Variants in LGALS9C observed in about 807,000 individuals in gnomAD.
LGALS9C encodes galectin-9C.
LGALS9C carries 7 observed loss-of-function variants against 41.3 expected under a neutral mutation model. The ratio of observed to expected loss-of-function variants is 0.17; its 90% confidence interval spans 0.10 to 0.32. The LOEUF (loss-of-function observed/expected upper bound fraction) is 0.32. Ranked by LOEUF, LGALS9C falls within the 10% of genes least tolerant of loss-of-function variation. The pLI, the probability that LGALS9C is intolerant of heterozygous loss-of-function variation, is 1.00. For synonymous variants in LGALS9C, 44 were observed against 171.0 expected (o/e 0.26, Z 5.80); for missense variants, 102 against 455.2 (o/e 0.22, Z 7.06).
At chr17:18,477,271 C>T (rs977661645) in intron 1 of LGALS9C, among the ~76,000 whole-genome samples, 3 of 125,346 alleles carry the variant, frequency 2.4e-5, no homozygotes, top group African/African-American at 5.1e-5. Context: ...GTTGGCCTCC[C>T]TGGGTCCAGC....
chr17:18,493,075 G>A (rs1989881640), intron 10 of LGALS9C, among the ~76,000 whole-genome samples: 1 of 124,394 alleles, frequency 8.0e-6, no homozygotes, highest in Non-Finnish European at 1.9e-5. Flanking sequence ...GATGAGGAAA[G>A]AAACTCACAA....
rs537230216 is a variant in LGALS9C, at chr17:18,491,264, T to A, written c.577-9T>A. The stretch of plus-strand genomic sequence containing the variant: ...AGAGCCTGGGTGAGACCTGGTTTCT[T>A]TCTTCCAGACCCAGACAGTCATCCA... On this transcript the variant is annotated splice_polypyrimidine_tract_variant and intron_variant, in intron 6 of 10. Coordinates refer to ENST00000328114, the MANE Select transcript of LGALS9C (RefSeq NM_001040078.3). 427 of 1,483,828 alleles carry A rather than the reference T, an allele frequency of 2.9e-4. 1 individual carries two copies. In the East Asian group the frequency reaches 9.5e-3, roughly 33 times the overall value. 91.9% of individuals were successfully genotyped at this position (1,483,828 alleles called of 1,614,324 possible).
chr17:18,478,080 G>T (rs1402658281), intron 1 of LGALS9C, among the ~76,000 whole-genome samples: 2 of 127,140 alleles, frequency 1.6e-5, no homozygotes, highest in African/African-American at 5.1e-5. Context: ...TGTCACCAAT[G>T]ACCCCTCAGC....
At chr17:18,477,476 G>A (rs1416879101) in intron 1 of LGALS9C, among the ~76,000 whole-genome samples, 1 of 123,264 alleles carries the variant, frequency 8.1e-6, no homozygotes, top group Non-Finnish European at 2.0e-5. Flanking sequence ...AGCAGGGAAG[G>A]CCTCCCGAGG....
intron 4 of LGALS9C, 77 bp from the exon 5 acceptor site, chr17:18,488,864 C>G: frequency 7.5e-7 from 1 of 1,336,238 alleles, no homozygotes; most frequent in Non-Finnish European, 1.0e-6. Context: ...TGCCTCCTGC[C>G]CCTGCATCTG....
At chr17:18,481,908 G>A (rs1483305749) in intron 1 of LGALS9C, among the ~76,000 whole-genome samples, 1 of 139,568 alleles carries the variant, frequency 7.2e-6, no homozygotes, top group African/African-American at 2.5e-5. Flanking sequence ...TTTTCTGTTT[G>A]GCCTGCACAG....
chr17:18,487,033 A>G (rs1158785411), intron 3 of LGALS9C: 4 of 163,812 alleles, frequency 2.4e-5, no homozygotes, highest in Non-Finnish European at 5.3e-5. Flanking sequence ...GGAACTTAAA[A>G]TAAAAGTTGA....
At position 18,488,804 on chromosome 17, in the gene LGALS9C, C is replaced by G. The variant is rs961373725; in HGVS notation, c.445-137C>G. ...GAAGCCTGGCCCTTTCCGCTCCCGC[C>G]TCCGTGTGGCCCTAACCCCCTTGCT... is the stretch of plus-strand genomic sequence containing the variant. On this transcript the variant is annotated intron_variant, in intron 4 of 10. Transcript: ENST00000328114. 3 of 1,272,220 alleles carry G rather than the reference C, an allele frequency of 2.4e-6. No individual in the cohort carries two copies. In the African/African-American group the frequency reaches 4.4e-5, roughly 19 times the overall value. The allele number at this position is 1,272,220 out of a possible 1,614,324, so 78.8% of individuals were successfully genotyped here.
chr17:18,491,369 C>T lies in LGALS9C; in HGVS notation c.627+46C>T. ...CAGTTCACAGCTGCACAGTGCCCTC[C>T]TTCCCCAAGAACTAAACTCCCTAGA... On this transcript the variant is annotated intron_variant, in intron 7 of 10. Coordinates refer to ENST00000328114, the MANE Select transcript of LGALS9C (RefSeq NM_001040078.3). The T allele has an allele frequency of 2.8e-6, 4 of 1,442,320 alleles. 1 individual carries two copies. The highest frequency in any genetic ancestry group is 3.8e-6 in the Non-Finnish European group (4 of 1,050,942). 89.3% of individuals were successfully genotyped at this position (1,442,320 alleles called of 1,614,324 possible).
chr17:18,493,218 A>T (rs1725647), intron 10 of LGALS9C, among the ~76,000 whole-genome samples: 1 of 105,256 alleles, frequency 9.5e-6, no homozygotes, highest in African/African-American at 3.5e-5. Flanking sequence ...AGCACTCCAC[A>T]TGCTGGGAGC....
In LGALS9C at chr17:18,489,016, C is replaced by G; in HGVS notation, c.520C>G (p.Pro174Ala). ...CCAGCCTGTCTGTTTCCCACCCAGG[C>G]CCAGGGGGCGCAGACAAAAAGTGAG... ...FSQPVCFPPR[P>A]RGRRQKPPSV... is the part of the protein sequence containing the mutation. The change falls in exon 5 of 11, where the codon CCC (proline) becomes GCC (alanine). Residue 174 changes from proline to alanine, a missense_variant. Pro to Ala is a conservative substitution (Grantham distance 27). Coordinates refer to ENST00000328114, the MANE Select transcript of LGALS9C (RefSeq NM_001040078.3). 6.7e-7 allele frequency: 1 copy of G among 1,496,286 alleles called. No homozygotes were observed. The allele number at this position is 1,496,286 out of a possible 1,614,324, so 92.7% of individuals were successfully genotyped here.
Position 18,493,337 on chromosome 17 carries a change from G to A in LGALS9C, c.924+478G>A, listed in dbSNP as rs1189150613. On this transcript the variant is annotated intron_variant, in intron 10 of 10. Coordinates refer to ENST00000328114, the MANE Select transcript of LGALS9C (RefSeq NM_001040078.3). ...GAACAGATTGTTGCAGATAACAACA[G>A]TGCCACGCAGAAAGCAAAACAGAGC... Among the ~76,000 whole-genome samples, 6 of 118,362 alleles carry A rather than the reference G, an allele frequency of 5.1e-5. 2 individuals carry two copies. Among genetic ancestry groups the A allele is most frequent in the Non-Finnish European group, 1.2e-4 (6 of 50,356 alleles). 77.7% of individuals were successfully genotyped at this position (118,362 alleles called of 152,430 possible). A position where few individuals can be genotyped will look rare whatever the true frequency, so the allele number is the denominator to read the frequency against.
At chr17:18,493,933 A>T (rs1989909619) in intron 10 of LGALS9C, among the ~76,000 whole-genome samples, 1 of 132,620 alleles carries the variant, frequency 7.5e-6, no homozygotes, top group Non-Finnish European at 1.8e-5. Context: ...CTGATGCTGC[A>T]GGAGCCCAGG....
At chr17:18,487,037 A>G in intron 3 of LGALS9C, 1 of 163,594 alleles carries the variant, frequency 6.1e-6, no homozygotes, top group Non-Finnish European at 1.3e-5. Flanking sequence ...CTTAAAATAA[A>G]AGTTGAAGGG....
In LGALS9C at chr17:18,488,917, G is replaced by T. The variant is rs367799914; in HGVS notation, c.445-24G>T. ...GGCTCTATTAATGCTTCTCCTCACC[G>T]GCCGGTGCCTTTTGTTTTAACAGAA... On this transcript the variant is annotated intron_variant, in intron 4 of 10. Transcript: ENST00000328114. 4.0e-6 allele frequency: 6 copies of T among 1,501,330 alleles called. No homozygotes were observed. The East Asian group carries it at 1.1e-4, about 28-fold the overall frequency. The allele number at this position is 1,501,330 out of a possible 1,614,324, so 93.0% of individuals were successfully genotyped here.
At chr17:18,483,226 G>A (rs1426646494) in intron 1 of LGALS9C, among the ~76,000 whole-genome samples, 3 of 135,638 alleles carry the variant, frequency 2.2e-5, no homozygotes, top group Non-Finnish European at 5.2e-5. Context: ...GGGATGGGTG[G>A]GGAAACTACG....
At chr17:18,478,517 T>G (rs9907036) in intron 1 of LGALS9C, among the ~76,000 whole-genome samples, 1,862 of 126,078 alleles carry the variant, frequency 0.015, 73 homozygotes, top group African/African-American at 0.046. Flanking sequence ...ATGCCGACAG[T>G]GGGGGAAGGT....
At chr17:18,491,176 G>T in intron 6 of LGALS9C, 97 bp from the exon 7 acceptor site, 6 of 1,145,674 alleles carry the variant, frequency 5.2e-6, no homozygotes, top group Non-Finnish European at 7.5e-6. Context: ...GGCTGGTTAT[G>T]CCCCTGGAGG....
chr17:18,484,023 T>C, intron 2 of LGALS9C, 57 bp downstream of exon 2: 1 of 1,285,040 alleles, frequency 7.8e-7, no homozygotes. Flanking sequence ...GTAAAGCCAC[T>C]GTGCCTGTGA....
Sources: gnomAD v4.1 joint callset for allele counts (sites outside exome capture counted in the v4.1 genomes callset) on GRCh38, gnomAD v4.1.1 for gene constraint, MANE v1.5 for transcripts, NCBI Gene and HGNC (gene_info 2026-07-23, HGNC 2026-07-21) for gene names.